GLIS1: variants seen among roughly 807,000 people sequenced by gnomAD.
GLIS1 encodes zinc finger protein GLIS1.
In GLIS1, 24 loss-of-function variants were observed where a neutral mutation model predicts 63.8. The observed-to-expected ratio is 0.38, with a 90% CI of 0.27 to 0.53. The LOEUF is 0.53. Ranked by LOEUF, GLIS1 falls within the 20% of genes least tolerant of loss-of-function variation. The probability of loss-of-function intolerance (pLI) is 0.85; values close to 1 mark genes in which losing one functional copy is unlikely to be tolerated. For synonymous variants in GLIS1, 450 were observed against 482.5 expected, an observed-to-expected ratio of 0.93 and a Z score of 0.88; for missense variants, 1,036 against 1,074.1, an observed-to-expected ratio of 0.96 and a Z score of 0.50.
intron 8 of GLIS1, among the ~76,000 whole-genome samples, chr1:53,513,525 C>T (rs1194202860): frequency 6.6e-6 from 1 of 152,192 alleles, no homozygotes; most frequent in African/African-American, 2.4e-5. Context: ...CTCCACTCAT[C>T]CAACTCCAGC....
chr1:53,573,791 T>G (rs1253408022), intron 4 of GLIS1, among the ~76,000 whole-genome samples: 1 of 152,190 alleles, frequency 6.6e-6, no homozygotes, highest in South Asian at 2.1e-4. Flanking sequence ...GCAGCCTCAG[T>G]GCTTTCCTAG....
intron 6 of GLIS1, 102 bp from the exon 7 acceptor site, chr1:53,520,868 C>T: frequency 7.8e-7 from 1 of 1,290,312 alleles, no homozygotes; most frequent in Non-Finnish European, 1.0e-6. Flanking sequence ...AGCCCCAGGG[C>T]AAGACCCTTC....
rs1264271235 is a variant in GLIS1 at position 53,573,576 on chromosome 1, C to G, written c.1320+20532G>C. ...ACATAGTTACATGGTCAAAAACTAA[C>G]ACACAGGAGGACACATGACATCTTG... On this transcript the variant is annotated intron_variant, in intron 4 of 10. Transcript: ENST00000628545. Among the ~76,000 whole-genome samples, 3 of 152,230 alleles carry G rather than the reference C, an allele frequency of 2.0e-5. 1 individual carries two copies. In the East Asian group the frequency reaches 5.8e-4, roughly 29 times the overall value.
Position 53,511,387 on chromosome 1 carries a change from G to A in GLIS1, c.1884-1360C>T, listed in dbSNP as rs1557939259. On this transcript the variant is annotated intron_variant, in intron 8 of 10. Transcript: ENST00000628545. This position sits in a 1 kb window ranked among gnomAD's most constrained non-coding sequence, Gnocchi z 4.2. ...AATGGGGAAAGCAGATTTGGAGAGA[G>A]GCTGGGGTCTCCGCATCTGTGCTGT... 6.6e-6 allele frequency among the ~76,000 whole-genome samples: 1 copy of A among 152,192 alleles called. No individual in the cohort carries two copies.
chr1:53,559,534 G>A (rs1019162299), intron 4 of GLIS1, among the ~76,000 whole-genome samples: 2 of 152,152 alleles, frequency 1.3e-5, no homozygotes, highest in African/African-American at 2.4e-5. Context: ...GATGATTGGC[G>A]AACTCCTGCT....
At chr1:53,677,947 T>C (rs771134439) in intron 2 of GLIS1, among the ~76,000 whole-genome samples, 8 of 152,184 alleles carry the variant, frequency 5.3e-5, no homozygotes, top group South Asian at 2.1e-4. Context: ...GAAACACTGA[T>C]GTCTCCTGCC....
intron 6 of GLIS1, among the ~76,000 whole-genome samples, chr1:53,523,082 C>T (rs1466097551): frequency 1.3e-5 from 2 of 150,926 alleles, no homozygotes; most frequent in Admixed American, 1.3e-4. Context: ...CCACCTCAGC[C>T]TTCCGAGTAG....
At chr1:53,650,502 AT>A (rs1645894318) in intron 2 of GLIS1, among the ~76,000 whole-genome samples, 1 of 150,198 alleles carries the variant, frequency 6.7e-6, no homozygotes, top group African/African-American at 2.5e-5. Flanking sequence ...AGGCAGGAGA[AT>A]TGCTTGAACC....
intron 2 of GLIS1, among the ~76,000 whole-genome samples, chr1:53,655,364 T>C (rs1033968784): frequency 6.6e-6 from 1 of 152,250 alleles, no homozygotes; most frequent in African/African-American, 2.4e-5. Context: ...GGAGAAAATG[T>C]ATTCATTGAT....
chr1:53,738,168 G>C (rs1227832459), intron 1 of GLIS1, 62 bp from the exon 2 acceptor site: 1 of 1,045,352 alleles, frequency 9.6e-7, no homozygotes, highest in South Asian at 4.9e-5. Flanking sequence ...ATTGTCCCGG[G>C]GCCGAGTTTG....
chr1:53,662,266 T>C (rs531088935), intron 2 of GLIS1, among the ~76,000 whole-genome samples: 1 of 152,116 alleles, frequency 6.6e-6, no homozygotes, highest in Non-Finnish European at 1.5e-5. Flanking sequence ...CAAAGCACTA[T>C]AAAAACATGC....
chr1:53,702,285 C>T (rs1454456414), intron 2 of GLIS1, among the ~76,000 whole-genome samples: 1 of 152,184 alleles, frequency 6.6e-6, no homozygotes, highest in African/African-American at 2.4e-5. Flanking sequence ...TTCTCCTCAC[C>T]TGTAAAATGG....
At position 53,526,421 on chromosome 1, in the gene GLIS1, C is replaced by T. The variant is rs771907319; in HGVS notation, c.1483-1534G>A. On this transcript the variant is annotated intron_variant, in intron 5 of 10. Transcript: ENST00000628545. The surrounding 1 kb of genome is among the most constrained non-coding windows in gnomAD (Gnocchi z 4.4). ...AAAAGAGAGAGACAGCAGTGAGAAG[C>T]TTGCCGGGGTTGGCCTGGGAGGGAG... is the stretch of plus-strand genomic sequence containing the variant. Among the ~76,000 whole-genome samples the T allele has an allele frequency of 7.9e-5, 12 of 152,180 alleles. No homozygotes were observed. The highest frequency in any genetic ancestry group is 1.0e-4 in the Non-Finnish European group (7 of 68,026).
At chr1:53,731,975 G>C (rs1016079291) in intron 2 of GLIS1, among the ~76,000 whole-genome samples, 2 of 152,162 alleles carry the variant, frequency 1.3e-5, no homozygotes, top group Non-Finnish European at 2.9e-5. Flanking sequence ...GAAAACCAAG[G>C]CTCAAAGCAC....
At chr1:53,652,714 C>T (rs1476554551) in intron 2 of GLIS1, among the ~76,000 whole-genome samples, 3 of 152,148 alleles carry the variant, frequency 2.0e-5, no homozygotes, top group Non-Finnish European at 4.4e-5. Flanking sequence ...GGTCCCTGTG[C>T]AACACAAGCC....
At chr1:53,508,208 G>A (rs544906645) in intron 10 of GLIS1, among the ~76,000 whole-genome samples, 4 of 152,342 alleles carry the variant, frequency 2.6e-5, no homozygotes, top group Middle Eastern at 3.4e-3. Context: ...GACACTCACG[G>A]GGCGCATGCT....
chr1:53,602,054 A>G (rs1645323755), intron 2 of GLIS1, among the ~76,000 whole-genome samples: 1 of 152,182 alleles, frequency 6.6e-6, no homozygotes, highest in Non-Finnish European at 1.5e-5. Context: ...GGACTCGGCA[A>G]ACATCTGCTC....
intron 4 of GLIS1, among the ~76,000 whole-genome samples, chr1:53,572,363 C>G (rs1644992185): frequency 2.0e-5 from 3 of 152,222 alleles, no homozygotes; most frequent in Admixed American, 2.0e-4. Flanking sequence ...AAACACTGAG[C>G]ATTTACTACT....
At chr1:53,523,098 G>A (rs546988290) in intron 6 of GLIS1, among the ~76,000 whole-genome samples, 3 of 150,812 alleles carry the variant, frequency 2.0e-5, no homozygotes, top group African/African-American at 7.3e-5. Context: ...AGTAGCTGGC[G>A]AGCTAGGGCT....
Sources: allele counts gnomAD v4.1 joint callset (sites outside exome capture counted in the v4.1 genomes callset), GRCh38; gene constraint gnomAD v4.1.1; non-coding constraint Gnocchi (gnomAD v3.1); transcripts MANE v1.5; gene names NCBI Gene and HGNC (gene_info 2026-07-23, HGNC 2026-07-21).